PCDHGA8: variants seen among roughly 807,000 people sequenced by gnomAD.
PCDHGA8 encodes protocadherin gamma subfamily A, 8, also known as protocadherin gamma-A8.
PCDHGA8 carries 45 observed loss-of-function variants against 59.2 expected under a neutral mutation model. That is an observed-to-expected ratio of 0.76 (90% CI 0.60 to 0.98). The LOEUF is 0.98. Among genes scored for constraint, PCDHGA8 ranks in the 50% least tolerant of loss-of-function variants. The pLI is 0.00. For missense variants in PCDHGA8, 1,257 were observed against 1,196.2 expected (o/e 1.05, Z -0.75); for synonymous variants, 531 against 519.0 (o/e 1.02, Z -0.32).
chr5:141,403,787 T>A (rs1213408515), intron 1 of PCDHGA8: 3 of 1,613,818 alleles, frequency 1.9e-6, no homozygotes, highest in Non-Finnish European at 2.5e-6. Flanking sequence ...AAAAGTGGCA[T>A]ACAAATTCTG....
intron 1 of PCDHGA8, chr5:141,404,217 T>C (rs1188874623): frequency 6.2e-7 from 1 of 1,613,588 alleles, no homozygotes; most frequent in Non-Finnish European, 8.5e-7. Context: ...AATATCACGG[T>C]GACTGCAACA....
chr5:141,434,209 A>G (rs946478332), intron 1 of PCDHGA8, among the ~76,000 whole-genome samples: 17 of 152,216 alleles, frequency 1.1e-4, no homozygotes, highest in African/African-American at 4.1e-4. Flanking sequence ...TACTTCTGTC[A>G]GTGTAAACAA....
chr5:141,430,048 A>G (rs2097258677), intron 1 of PCDHGA8, among the ~76,000 whole-genome samples: 1 of 152,222 alleles, frequency 6.6e-6, no homozygotes, highest in African/African-American at 2.4e-5. Flanking sequence ...AATGTATACA[A>G]TCACATATCA....
At chr5:141,413,331 C>T (rs1300057166) in intron 1 of PCDHGA8, 1 of 1,613,992 alleles carries the variant, frequency 6.2e-7, no homozygotes, top group Admixed American at 1.7e-5. Context: ...TGGGCAACAT[C>T]TCCAAGGACT....
intron 1 of PCDHGA8, among the ~76,000 whole-genome samples, chr5:141,457,674 A>G (rs577008886): frequency 2.9e-4 from 44 of 152,256 alleles, no homozygotes; most frequent in South Asian, 2.1e-4. Flanking sequence ...GGTTATTTCT[A>G]CATAGGACTT....
intron 1 of PCDHGA8, chr5:141,411,852 C>G (rs992038456): frequency 1.3e-5 from 2 of 151,222 alleles, no homozygotes; most frequent in East Asian, 1.9e-4. Context: ...AGAGTGAGAC[C>G]CTGTCTCAAA....
intron 1 of PCDHGA8, among the ~76,000 whole-genome samples, chr5:141,445,778 T>G (rs1045010487): frequency 6.6e-6 from 1 of 152,190 alleles, no homozygotes; most frequent in East Asian, 1.9e-4. Context: ...TTAAAAGGGC[T>G]AGGGAGGCTA....
chr5:141,409,409 A>C, intron 1 of PCDHGA8: 4 of 1,614,046 alleles, frequency 2.5e-6, no homozygotes, highest in Non-Finnish European at 3.4e-6. Flanking sequence ...TAACTACTAC[A>C]AACTGGTGAC....
In PCDHGA8 at chr5:141,393,690, C is replaced by A. The variant is rs779487285; in HGVS notation, c.877C>A (p.Gln293Lys). ...KINEKQTPLF[Q>K]LNENTGEISI... Reference sequence around the variant, plus strand: ...TAATGAAAAACAAACTCCGTTATTCCAGCTTAATGAAAATACTGGGGAAAT... The same window carrying A: ...TAATGAAAAACAAACTCCGTTATTCAAGCTTAATGAAAATACTGGGGAAAT... Residue 293 changes from glutamine (Q) to lysine (K), a missense_variant, in exon 1 of 4, where the codon CAG (glutamine) becomes AAG (lysine). Transcript: ENST00000398604. 1 of 1,613,752 alleles carries A rather than the reference C, an allele frequency of 6.2e-7. No individual in the cohort carries two copies. The highest frequency in any genetic ancestry group is 1.3e-5 in the African/African-American group (1 of 74,918).
At chr5:141,460,987 A>C (rs201722325) in intron 1 of PCDHGA8, among the ~76,000 whole-genome samples, 1 of 92,990 alleles carries the variant, frequency 1.1e-5, no homozygotes, top group South Asian at 3.4e-4. Context: ...GTGTGTGTAT[A>C]TATATATATG....
intron 1 of PCDHGA8, among the ~76,000 whole-genome samples, chr5:141,472,145 A>G (rs1376068421): frequency 6.6e-6 from 1 of 152,244 alleles, no homozygotes; most frequent in Non-Finnish European, 1.5e-5. Flanking sequence ...TAAAAGTTTC[A>G]TGGTTACATA....
chr5:141,427,985 C>A (rs747784722), intron 1 of PCDHGA8: 23 of 1,597,524 alleles, frequency 1.4e-5, no homozygotes, highest in Non-Finnish European at 1.9e-5. Context: ...CGCTGGGGCC[C>A]GATGGCTCCG....
At chr5:141,464,931 G>T (rs2099093694) in intron 1 of PCDHGA8, among the ~76,000 whole-genome samples, 1 of 151,942 alleles carries the variant, frequency 6.6e-6, no homozygotes, top group Non-Finnish European at 1.5e-5. Context: ...GTAGAGATGT[G>T]AGGTCTCACT....
intron 1 of PCDHGA8, chr5:141,413,694 C>G (rs2095667651): frequency 1.2e-6 from 2 of 1,613,800 alleles, no homozygotes; most frequent in East Asian, 4.5e-5. Context: ...CCCTGCAGAG[C>G]TATCAGCTCA....
At chr5:141,422,963 C>T (rs372620011) in intron 1 of PCDHGA8, 43 of 1,614,120 alleles carry the variant, frequency 2.7e-5, no homozygotes, top group Middle Eastern at 1.6e-4. Context: ...GTGGAGCTGG[C>T]GCCCCGCTCT....
intron 1 of PCDHGA8, chr5:141,422,554 G>A (rs753985751): frequency 1.2e-5 from 19 of 1,613,870 alleles, no homozygotes; most frequent in Non-Finnish European, 1.6e-5. Flanking sequence ...CTGGCTGAAT[G>A]TGGCAGATGA....
chr5:141,494,173 G>C (rs554811420), intron 1 of PCDHGA8, among the ~76,000 whole-genome samples: 2 of 152,304 alleles, frequency 1.3e-5, no homozygotes, highest in South Asian at 2.1e-4. Flanking sequence ...CTAGGGGTGA[G>C]AAGTGTCCCG....
Position 141,487,673 on chromosome 5 carries a change from C to T in PCDHGA8, c.2425-7134C>T. On this transcript the variant is annotated intron_variant, in intron 1 of 3. Transcript: ENST00000398604. The surrounding 1 kb of genome is among the most constrained non-coding windows in gnomAD (Gnocchi z 5.0). Reference sequence around the variant, plus strand: ...GGGTTATTCTGATCCAGGCATATGGCTAGGCCATGTCCTAGAGAGTACTGG... The same window carrying T: ...GGGTTATTCTGATCCAGGCATATGGTTAGGCCATGTCCTAGAGAGTACTGG... 6.2e-7 allele frequency: 1 copy of T among 1,611,456 alleles called. No homozygotes were observed. Among genetic ancestry groups the T allele is most frequent in the East Asian group, 2.2e-5 (1 of 44,852 alleles).
chr5:141,476,747 C>T lies in PCDHGA8; in HGVS notation c.2425-18060C>T. The T allele has an allele frequency of 6.2e-7, 1 of 1,614,066 alleles. No homozygotes were observed. The highest frequency in any genetic ancestry group is 8.5e-7 in the Non-Finnish European group (1 of 1,180,036). On this transcript the variant is annotated intron_variant, in intron 1 of 3. Transcript: ENST00000398604. This position sits in a 1 kb window ranked among gnomAD's most constrained non-coding sequence, Gnocchi z 7.6. The stretch of plus-strand genomic sequence containing the variant: ...GGACCGAGAACGGGAGCCTAGTCTC[C>T]AGTTAGTGCTGACGGCGTTGGACGG...
Sources: gnomAD v4.1 joint callset for allele counts (sites outside exome capture counted in the v4.1 genomes callset) on GRCh38, gnomAD v4.1.1 for gene constraint, Gnocchi (gnomAD v3.1) non-coding constraint, MANE v1.5 for transcripts, NCBI Gene and HGNC (gene_info 2026-07-23, HGNC 2026-07-21) for gene names.